TTC17: variants seen among roughly 807,000 people sequenced by gnomAD.
TTC17 encodes the protein tetratricopeptide repeat protein 17.
TTC17 carries 58 observed loss-of-function variants against 143.8 expected under a neutral mutation model. That is an observed-to-expected ratio of 0.40 (90% CI 0.33 to 0.50). TTC17 has a LOEUF of 0.50. Among genes scored for constraint, TTC17 ranks in the 20% least tolerant of loss-of-function variants. The probability of loss-of-function intolerance (pLI) is 0.49; values close to 1 mark genes in which losing one functional copy is unlikely to be tolerated. For missense variants in TTC17, 1,273 were observed against 1,392.5 expected, an observed-to-expected ratio of 0.91 and a Z score of 1.37; for synonymous variants, 501 against 497.8, an observed-to-expected ratio of 1.01 and a Z score of -0.09.
intron 8 of TTC17, among the ~76,000 whole-genome samples, chr11:43,398,497 C>T (rs1046075121): frequency 2.6e-5 from 4 of 152,156 alleles, no homozygotes; most frequent in African/African-American, 9.7e-5. Flanking sequence ...AAATCACTTA[C>T]ATGTGCAATA....
At chr11:43,459,035 T>A (rs1947816175) in intron 21 of TTC17, among the ~76,000 whole-genome samples, 1 of 152,102 alleles carries the variant, frequency 6.6e-6, no homozygotes, top group East Asian at 1.9e-4. Context: ...TGGAACATAT[T>A]CCCCTCAGAT....
chr11:43,389,826 A>C lies in TTC17; in HGVS notation c.419+5A>C. 1 of 1,571,864 alleles carries C rather than the reference A, an allele frequency of 6.4e-7. No individual in the cohort carries two copies. The highest frequency in any genetic ancestry group is 2.3e-5 in the East Asian group (1 of 44,386). Reference sequence around the variant, plus strand: ...TTTGGAGAGCAAAGACATCAGGTAAAGAAGTTCTCTTTCCAAAAATAAAAT... The same window carrying C: ...TTTGGAGAGCAAAGACATCAGGTAACGAAGTTCTCTTTCCAAAAATAAAAT... On this transcript the variant is annotated splice_donor_5th_base_variant and intron_variant, in intron 3 of 23. Coordinates refer to ENST00000039989, the MANE Select transcript of TTC17 (RefSeq NM_018259.6).
chr11:43,443,221 C>G, intron 16 of TTC17, 104 bp from the exon 17 acceptor site: 1 of 1,415,444 alleles, frequency 7.1e-7, no homozygotes, highest in Non-Finnish European at 9.6e-7. Flanking sequence ...AGTAGTGCCT[C>G]TAAGCAGAGC....
intron 18 of TTC17, chr11:43,446,258 C>G (rs1947538948): frequency 9.8e-7 from 1 of 1,018,088 alleles, no homozygotes; most frequent in South Asian, 4.5e-5. Context: ...TATCACTCAT[C>G]CTTAAACTTC....
chr11:43,364,858 T>A (rs188194888), intron 1 of TTC17, among the ~76,000 whole-genome samples: 5 of 152,184 alleles, frequency 3.3e-5, no homozygotes, highest in African/African-American at 1.2e-4. Context: ...CAGGCTGGAG[T>A]ACAGTGGCGT....
rs1359552555 is a variant in TTC17 at position 43,493,899 on chromosome 11, C to G, written c.3421C>G (p.Pro1141Ala). Reference protein sequence around the residue: ...HLMLKKGRRSP With the variant: ...HLMLKKGRRSA ...AATGCTGAAGAAGGGACGGCGCTCT[C>G]CTTAGTGCACTTCTTCCTTCTCTCT... The change falls in exon 24 of 24, where the codon CCT (proline) becomes GCT (alanine). Residue 1141 changes from proline (P) to alanine (A), a missense_variant. By Grantham distance (27) the Pro-to-Ala change is conservative (BLOSUM62 -1). Coordinates refer to ENST00000039989, the MANE Select transcript of TTC17 (RefSeq NM_018259.6). The G allele has an allele frequency of 6.3e-7, 1 of 1,594,402 alleles. No individual in the cohort carries two copies. The highest frequency in any genetic ancestry group is 8.6e-7 in the Non-Finnish European group (1 of 1,168,070).
intron 19 of TTC17, chr11:43,449,829 G>C: frequency 2.4e-6 from 1 of 414,170 alleles, no homozygotes; most frequent in Non-Finnish European, 4.3e-6. Flanking sequence ...TTTTTCTGTG[G>C]GGAGGAATGT....
intron 1 of TTC17, among the ~76,000 whole-genome samples, chr11:43,362,149 T>TTGTGTGTGTG (rs3978779): frequency 3.0e-4 from 42 of 138,150 alleles, no homozygotes; most frequent in African/African-American, 8.4e-4. Flanking sequence ...CCCGGCTAAT[T>TTGTGTGTGTG]TGTGTGTGTG....
chr11:43,474,135 T>A (rs1024083175), intron 21 of TTC17, among the ~76,000 whole-genome samples: 1 of 152,152 alleles, frequency 6.6e-6, no homozygotes, highest in Non-Finnish European at 1.5e-5. Context: ...AAATGAAAAG[T>A]TCCCTGTGGA....
At chr11:43,408,371 C>T (rs1448064310) in intron 15 of TTC17, among the ~76,000 whole-genome samples, 1 of 152,102 alleles carries the variant, frequency 6.6e-6, no homozygotes, top group African/African-American at 2.4e-5. Context: ...CAGAAATTCA[C>T]AACTGGATTT....
chr11:43,484,433 A>G (rs1043344200), intron 21 of TTC17, among the ~76,000 whole-genome samples: 22 of 152,228 alleles, frequency 1.4e-4, no homozygotes, highest in African/African-American at 5.3e-4. Context: ...CAAGAGATAA[A>G]ACTTCTATTA....
rs1180946303 is a variant in TTC17, at chr11:43,493,879, T to C, written c.3401T>C (p.Leu1134Pro). The change falls in exon 24 of 24, where the codon CTG (leucine) becomes CCG (proline). Residue 1134 changes from leucine to proline, a missense_variant. By Grantham distance (98) the Leu-to-Pro change is moderately conservative. Transcript: ENST00000039989. ...RIQTIQCHLM[L>P]KKGRRSP The stretch of plus-strand genomic sequence containing the variant: ...CAGACCATCCAGTGTCACTTAATGC[T>C]GAAGAAGGGACGGCGCTCTCCTTAG... The C allele has an allele frequency of 2.5e-6, 4 of 1,612,782 alleles. No homozygotes were observed. The highest frequency in any genetic ancestry group is 3.4e-6 in the Non-Finnish European group (4 of 1,179,066).
intron 3 of TTC17, among the ~76,000 whole-genome samples, chr11:43,391,219 T>G (rs920986212): frequency 2.6e-5 from 4 of 152,068 alleles, no homozygotes. Flanking sequence ...GGCAACATAG[T>G]GAGACCTGTC....
At chr11:43,389,138 CAA>C (rs543812399) in intron 2 of TTC17, among the ~76,000 whole-genome samples, 13 of 109,042 alleles carry the variant, frequency 1.2e-4, no homozygotes, top group Admixed American at 1.7e-4. Flanking sequence ...GACACTGTCT[CAA>C]AAAAAAAAAA....
In TTC17 at chr11:43,405,638, T is replaced by G. The variant is rs568154078; in HGVS notation, c.1595+9T>G. 1 of 1,613,644 alleles carries G rather than the reference T, an allele frequency of 6.2e-7. No homozygotes were observed. Among genetic ancestry groups the G allele is most frequent in the East Asian group, 2.2e-5 (1 of 44,868 alleles). On this transcript the variant is annotated intron_variant, in intron 12 of 23. Transcript: ENST00000039989. ...GAAAACAAAGGACTCAGGCAAGTGGTGATGGATTTGGCAAAGCACCTGATT... is the reference window on the plus strand; with the variant it reads ...GAAAACAAAGGACTCAGGCAAGTGGGGATGGATTTGGCAAAGCACCTGATT...
intron 16 of TTC17, among the ~76,000 whole-genome samples, chr11:43,439,555 C>A (rs886121438): frequency 6.6e-6 from 1 of 150,988 alleles, no homozygotes; most frequent in East Asian, 2.0e-4. Flanking sequence ...GCAAGCTCTG[C>A]CTCCTGGGTT....
chr11:43,490,046 A>G, intron 21 of TTC17, 193 bp from the exon 22 acceptor site: 1 of 580,262 alleles, frequency 1.7e-6, no homozygotes, highest in Non-Finnish European at 2.7e-6. Context: ...AAGGGCTGTA[A>G]TAGTAGTATC....
At chr11:43,359,647 C>T (rs756704683) in intron 1 of TTC17, among the ~76,000 whole-genome samples, 19 of 152,148 alleles carry the variant, frequency 1.2e-4, no homozygotes, top group African/African-American at 4.3e-4. Flanking sequence ...CAGCTTGTAC[C>T]GTTACTCAGG....
intron 21 of TTC17, among the ~76,000 whole-genome samples, chr11:43,485,025 C>G (rs1322183846): frequency 1.3e-5 from 2 of 151,958 alleles, no homozygotes; most frequent in Non-Finnish European, 2.9e-5. Flanking sequence ...TGCAGGAAAA[C>G]AAGCTCAGGG....
Sources: gnomAD v4.1 joint callset for allele counts (sites outside exome capture counted in the v4.1 genomes callset) on GRCh38, gnomAD v4.1.1 for gene constraint, MANE v1.5 for transcripts, NCBI Gene and HGNC (gene_info 2026-07-23, HGNC 2026-07-21) for gene names.